The following TSNARE1 variants were observed in gnomAD, a reference collection of about 807,000 sequenced individuals.
The protein encoded by TSNARE1 is t-SNARE domain-containing protein 1.
TSNARE1 carries 49 observed loss-of-function variants against 62.0 expected under a neutral mutation model. That is an observed-to-expected ratio of 0.79 (90% CI 0.63 to 1.00). The LOEUF is 1.00. Among genes scored for constraint, TSNARE1 ranks in the 50% least tolerant of loss-of-function variants. TSNARE1 has a pLI of 0.00. For missense variants in TSNARE1, 755 were observed against 700.1 expected, an observed-to-expected ratio of 1.08 and a Z score of -0.88; for synonymous variants, 328 against 294.4, an observed-to-expected ratio of 1.11 and a Z score of -1.17.
Position 142,274,099 on chromosome 8 carries a change from C to A in TSNARE1, c.1446+682G>T, listed in dbSNP as rs563477369. 6 of 985,434 alleles carry A rather than the reference C, an allele frequency of 6.1e-6. No individual in the cohort carries two copies. In the East Asian group the frequency reaches 5.7e-4, roughly 93 times the overall value. 61.0% of individuals were successfully genotyped at this position (985,434 alleles called of 1,614,324 possible). A position where few individuals can be genotyped will look rare whatever the true frequency, so the allele number is the denominator to read the frequency against. ...CACCTTGCTGGACTTAATGTCCAGC[C>A]TGCCTGGCCCCTGGGACTCCTTGAG... On this transcript the variant is annotated intron_variant, in intron 12 of 13. Coordinates refer to ENST00000524325, the MANE Select transcript of TSNARE1 (RefSeq NM_145003.5).
At chr8:142,305,054 G>A (rs1258776848) in intron 9 of TSNARE1, among the ~76,000 whole-genome samples, 1 of 152,192 alleles carries the variant, frequency 6.6e-6, no homozygotes, top group East Asian at 1.9e-4. Flanking sequence ...CCTGCCCTCG[G>A]CCCTGACAGC....
intron 7 of TSNARE1, among the ~76,000 whole-genome samples, chr8:142,317,738 ACTT>A (rs1361868873): frequency 2.0e-5 from 3 of 152,130 alleles, no homozygotes; most frequent in Non-Finnish European, 4.4e-5. Context: ...TGGGAGGATC[ACTT>A]GAGGCCGGGA....
At chr8:142,315,456 G>A (rs1045469543) in intron 7 of TSNARE1, among the ~76,000 whole-genome samples, 1 of 152,238 alleles carries the variant, frequency 6.6e-6, no homozygotes, top group Non-Finnish European at 1.5e-5. Context: ...AGGTGGTGGG[G>A]CCACTGCCAG....
At chr8:142,231,810 G>A (rs1266533653) in intron 12 of TSNARE1, among the ~76,000 whole-genome samples, 12 of 152,210 alleles carry the variant, frequency 7.9e-5, no homozygotes, top group Non-Finnish European at 1.8e-4. Context: ...TGCAAAGCCA[G>A]GATTGGAGCT....
intron 12 of TSNARE1, chr8:142,270,413 T>C: frequency 1.0e-6 from 1 of 985,178 alleles, no homozygotes; most frequent in Non-Finnish European, 1.2e-6. Flanking sequence ...AAAAAATACT[T>C]TTTGCAAGAA....
intron 7 of TSNARE1, among the ~76,000 whole-genome samples, chr8:142,315,782 G>C (rs1227332953): frequency 1.3e-5 from 2 of 152,226 alleles, no homozygotes; most frequent in East Asian, 1.9e-4. Flanking sequence ...CGGAGGATTG[G>C]AGAGAGCCAA....
At chr8:142,380,655 G>C (rs553311713) in intron 1 of TSNARE1, among the ~76,000 whole-genome samples, 2 of 152,202 alleles carry the variant, frequency 1.3e-5, no homozygotes, top group East Asian at 3.9e-4. Context: ...CCTCCCTCAC[G>C]GGGAAACAGC....
At chr8:142,330,064 C>T (rs1215800404) in intron 6 of TSNARE1, among the ~76,000 whole-genome samples, 1 of 152,222 alleles carries the variant, frequency 6.6e-6, no homozygotes, top group African/African-American at 2.4e-5. Context: ...CAGTTCTGCA[C>T]AGGGGAGTGC....
At chr8:142,221,173 T>C (rs775744580) in intron 13 of TSNARE1, among the ~76,000 whole-genome samples, 3 of 152,230 alleles carry the variant, frequency 2.0e-5, no homozygotes, top group Admixed American at 6.5e-5. Context: ...CAGCACCTTC[T>C]TTGTGGCGCT....
At chr8:142,384,213 G>A (rs183064982) in intron 1 of TSNARE1, among the ~76,000 whole-genome samples, 62 of 152,232 alleles carry the variant, frequency 4.1e-4, no homozygotes, top group African/African-American at 1.2e-3. Context: ...GTCTGCCTCC[G>A]TGGCAGGGCT....
intron 12 of TSNARE1, among the ~76,000 whole-genome samples, chr8:142,231,010 C>T (rs930292646): frequency 6.6e-6 from 1 of 151,448 alleles, no homozygotes; most frequent in African/African-American, 2.4e-5. Flanking sequence ...CATCTACCCA[C>T]CTCTCCATCC....
chr8:142,406,885 G>C, upstream of TSNARE1: 1 of 152,246 alleles, frequency 6.6e-6, no homozygotes, highest in South Asian at 2.1e-4. Context: ...ACAGTGGTCT[G>C]ACCATTCAAG....
intron 6 of TSNARE1, among the ~76,000 whole-genome samples, chr8:142,322,702 TC>T (rs1294722539): frequency 6.6e-6 from 1 of 151,458 alleles, no homozygotes; most frequent in Non-Finnish European, 1.5e-5. Context: ...GTTATGGAAG[TC>T]CAGCTTGGCC....
chr8:142,271,518 C>T (rs1185057175), intron 12 of TSNARE1: 1 of 1,350,338 alleles, frequency 7.4e-7, no homozygotes, highest in African/African-American at 1.5e-5. Flanking sequence ...TGGAAGGCCC[C>T]CATGAGTGTG....
At chr8:142,346,678 C>A (rs747750462) in intron 2 of TSNARE1, among the ~76,000 whole-genome samples, 1 of 152,282 alleles carries the variant, frequency 6.6e-6, no homozygotes, top group Non-Finnish European at 1.5e-5. Flanking sequence ...TGGTAGGTCA[C>A]AAGGATGCTG....
At chr8:142,308,861 T>G (rs1827131971) in intron 9 of TSNARE1, among the ~76,000 whole-genome samples, 1 of 152,138 alleles carries the variant, frequency 6.6e-6, no homozygotes, top group South Asian at 2.1e-4. Context: ...GGGTGAGAGC[T>G]GACATCTCCA....
intron 6 of TSNARE1, among the ~76,000 whole-genome samples, chr8:142,330,151 C>A (rs958289147): frequency 1.3e-5 from 2 of 152,220 alleles, no homozygotes; most frequent in Non-Finnish European, 2.9e-5. Flanking sequence ...CACTGCAGGG[C>A]GGGACACAGG....
intron 1 of TSNARE1, among the ~76,000 whole-genome samples, chr8:142,379,510 G>A (rs186750211): frequency 6.6e-6 from 1 of 152,374 alleles, no homozygotes; most frequent in Non-Finnish European, 1.5e-5. Context: ...TCCTGCCAGG[G>A]GCACGATGGG....
rs1829127391 is a variant in TSNARE1, at chr8:142,319,377, C to T, written c.894-743G>A. Among the ~76,000 whole-genome samples the T allele has an allele frequency of 6.6e-6, 1 of 152,032 alleles. No homozygotes were observed. Among genetic ancestry groups the T allele is most frequent in the Admixed American group, 6.5e-5 (1 of 15,282 alleles). The stretch of plus-strand genomic sequence containing the variant: ...GGTGAGACGGTTCTCACACCCAGAC[C>T]CAGGGAGACACAAGGAGGCCAGGAC... On this transcript the variant is annotated intron_variant, in intron 6 of 13. Coordinates refer to ENST00000524325, the MANE Select transcript of TSNARE1 (RefSeq NM_145003.5). This position sits in a 1 kb window ranked among gnomAD's most constrained non-coding sequence, Gnocchi z 4.9.
Sources: gnomAD v4.1 joint callset for allele counts (sites outside exome capture counted in the v4.1 genomes callset) on GRCh38, gnomAD v4.1.1 for gene constraint, Gnocchi (gnomAD v3.1) non-coding constraint, MANE v1.5 for transcripts, NCBI Gene and HGNC (gene_info 2026-07-23, HGNC 2026-07-21) for gene names.